The following FAM168A variants were observed in gnomAD, a reference collection of about 807,000 sequenced individuals.
The protein encoded by FAM168A is protein FAM168A.
In FAM168A, 3 loss-of-function variants were observed where a neutral mutation model predicts 28.5. The observed-to-expected ratio is 0.11, with a 90% CI of 0.05 to 0.27. The LOEUF (loss-of-function observed/expected upper bound fraction) is 0.27, where lower values mean the gene tolerates loss of function less well. Ranked by LOEUF, FAM168A falls within the 10% of genes least tolerant of loss-of-function variation. FAM168A has a pLI of 1.00. For missense variants in FAM168A, 222 were observed against 311.5 expected (o/e 0.71, Z 2.16); for synonymous variants, 122 against 124.2 (o/e 0.98, Z 0.12).
intron 3 of FAM168A, 72 bp from the exon 4 acceptor site, chr11:73,420,071 A>G: frequency 6.3e-7 from 1 of 1,578,272 alleles, no homozygotes; most frequent in Non-Finnish European, 8.7e-7. Context: ...GACACAAAGC[A>G]AGGGTCTTGT....
intron 4 of FAM168A, 122 bp downstream of exon 4, chr11:73,419,752 G>A: frequency 7.8e-7 from 1 of 1,281,910 alleles, no homozygotes; most frequent in Non-Finnish European, 1.1e-6. Flanking sequence ...CTGGGTAAAA[G>A]AACCTCTTAA....
chr11:73,433,773 A>C (rs1471521031), intron 2 of FAM168A, among the ~76,000 whole-genome samples: 1 of 151,686 alleles, frequency 6.6e-6, no homozygotes, highest in Non-Finnish European at 1.5e-5. Flanking sequence ...ACCTAAGTAA[A>C]TCTCTGACTG....
intron 2 of FAM168A, among the ~76,000 whole-genome samples, chr11:73,439,200 C>T (rs567106592): frequency 6.6e-6 from 1 of 152,250 alleles, no homozygotes; most frequent in African/African-American, 2.4e-5. Flanking sequence ...GGCCCAGCCA[C>T]CCAGCCTTCC....
At chr11:73,502,177 C>G (rs1855022321) in intron 1 of FAM168A, among the ~76,000 whole-genome samples, 2 of 142,304 alleles carry the variant, frequency 1.4e-5, no homozygotes, top group African/African-American at 5.2e-5. Flanking sequence ...GCTAGAGACA[C>G]AAAAAACCCT....
intron 1 of FAM168A, among the ~76,000 whole-genome samples, chr11:73,547,162 C>CGG (rs1341444976): frequency 3.3e-5 from 4 of 122,014 alleles, no homozygotes; most frequent in African/African-American, 1.3e-4. Flanking sequence ...GAGGAAAAGG[C>CGG]GGGGGGGAGG....
chr11:73,445,999 A>C (rs1590782778), intron 2 of FAM168A, among the ~76,000 whole-genome samples: 1 of 152,220 alleles, frequency 6.6e-6, no homozygotes, highest in East Asian at 1.9e-4. Context: ...AAAGAGAATG[A>C]AGGTAGGGAA....
chr11:73,456,917 G>T (rs1459082127), intron 2 of FAM168A, among the ~76,000 whole-genome samples: 1 of 152,232 alleles, frequency 6.6e-6, no homozygotes, highest in Non-Finnish European at 1.5e-5. Flanking sequence ...AAATATGGGG[G>T]TTATGTGTTC....
chr11:73,425,424 G>C (rs1291294722), intron 3 of FAM168A, among the ~76,000 whole-genome samples: 1 of 152,208 alleles, frequency 6.6e-6, no homozygotes, highest in African/African-American at 2.4e-5. Flanking sequence ...AAGGTTCAGA[G>C]ACAATATCAC....
At chr11:73,565,738 T>A (rs1944013827) in intron 1 of FAM168A, among the ~76,000 whole-genome samples, 1 of 152,184 alleles carries the variant, frequency 6.6e-6, no homozygotes, top group Non-Finnish European at 1.5e-5. Flanking sequence ...CCATTTGGAC[T>A]TGAAACAATA....
chr11:73,432,961 G>A (rs1267101759), intron 2 of FAM168A, among the ~76,000 whole-genome samples: 2 of 151,958 alleles, frequency 1.3e-5, no homozygotes, highest in Non-Finnish European at 2.9e-5. Context: ...ACCCAGGATG[G>A]AGTATAATGG....
chr11:73,475,493 C>A lies in FAM168A; in HGVS notation c.-18-7001G>T, dbSNP rs148346096. ...GGGAAAGGAAAAAGATTGTGTTTGC[C>A]CAAAAGAGGATATGGTCTACCTAGG... On this transcript the variant is annotated intron_variant, in intron 1 of 7. Coordinates refer to ENST00000356467, the MANE Select transcript of FAM168A (RefSeq NM_015159.3). Among the ~76,000 whole-genome samples the A allele has an allele frequency of 6.9e-3, 1,051 of 151,618 alleles. 11 individuals are homozygous for A. The highest frequency in any genetic ancestry group is 0.022 in the African/African-American group (918 of 41,330).
At chr11:73,580,165 G>A (rs969818008) in intron 1 of FAM168A, 5 of 381,610 alleles carry the variant, frequency 1.3e-5, no homozygotes, top group Middle Eastern at 5.5e-4. Flanking sequence ...GAAGAGGTGA[G>A]AACGACCCCC....
intron 1 of FAM168A, among the ~76,000 whole-genome samples, chr11:73,483,464 C>T (rs978337861): frequency 1.3e-5 from 2 of 152,120 alleles, no homozygotes; most frequent in African/African-American, 4.8e-5. Context: ...TATGAAGATG[C>T]TATGGAGGAT....
At chr11:73,494,134 G>GGACA (rs1854816102) in intron 1 of FAM168A, among the ~76,000 whole-genome samples, 1 of 152,054 alleles carries the variant, frequency 6.6e-6, no homozygotes, top group Admixed American at 6.5e-5. Flanking sequence ...TGTACAGTAT[G>GGACA]TACATATACA....
chr11:73,551,401 AC>A (rs1292199045), intron 1 of FAM168A, among the ~76,000 whole-genome samples: 2 of 152,116 alleles, frequency 1.3e-5, no homozygotes, highest in African/African-American at 4.8e-5. Context: ...TTTTAAACAT[AC>A]CCTATCTTAA....
At chr11:73,470,145 C>T (rs138851165) in intron 1 of FAM168A, among the ~76,000 whole-genome samples, 2,677 of 152,178 alleles carry the variant, frequency 0.018, 62 homozygotes, top group African/African-American at 0.054. Context: ...CTCCTGACCT[C>T]GTGATCCACC....
At chr11:73,477,002 G>T (rs2134588043) in intron 1 of FAM168A, among the ~76,000 whole-genome samples, 1 of 152,074 alleles carries the variant, frequency 6.6e-6, no homozygotes. Flanking sequence ...AATTAGGTGG[G>T]AAAAATGGGA....
intron 1 of FAM168A, among the ~76,000 whole-genome samples, chr11:73,594,262 G>A (rs917541977): frequency 6.6e-6 from 1 of 150,810 alleles, no homozygotes; most frequent in Non-Finnish European, 1.5e-5. Flanking sequence ...ACCACACCCA[G>A]CAAATTTTTT....
intron 1 of FAM168A, among the ~76,000 whole-genome samples, chr11:73,581,999 G>A (rs1024823889): frequency 3.3e-5 from 5 of 152,020 alleles, no homozygotes; most frequent in African/African-American, 1.2e-4. Flanking sequence ...TTACAGGCAT[G>A]AGCCACCGCA....
Sources: allele counts gnomAD v4.1 joint callset (sites outside exome capture counted in the v4.1 genomes callset), GRCh38; gene constraint gnomAD v4.1.1; transcripts MANE v1.5; gene names NCBI Gene and HGNC (gene_info 2026-07-23, HGNC 2026-07-21).